ASTN2: variants seen among roughly 807,000 people sequenced by gnomAD.
ASTN2 encodes astrotactin-2.
ASTN2 carries 54 observed loss-of-function variants against 139.8 expected under a neutral mutation model. The ratio of observed to expected loss-of-function variants is 0.39; its 90% CI spans 0.31 to 0.48. The LOEUF is 0.48. ASTN2 is among the 20% of genes least tolerant of loss of function. ASTN2 has a pLI of 0.95. For synonymous variants in ASTN2, 756 were observed against 719.5 expected (o/e 1.05, Z -0.81); for missense variants, 1,565 against 1,725.1 (o/e 0.91, Z 1.64).
chr9:116,549,990 C>A (rs1333130526), intron 19 of ASTN2, among the ~76,000 whole-genome samples: 1 of 152,318 alleles, frequency 6.6e-6, no homozygotes. Context: ...ATGGAACCCA[C>A]AGGCATCTTT....
intron 1 of ASTN2, among the ~76,000 whole-genome samples, chr9:117,372,298 G>T (rs1197098982): frequency 1.3e-5 from 2 of 152,086 alleles, no homozygotes; most frequent in African/African-American, 4.8e-5. Flanking sequence ...CCCCCAGAGG[G>T]TGAAGAAGGA....
intron 19 of ASTN2, chr9:116,612,945 G>GA (rs1297939481): frequency 6.7e-6 from 1 of 149,084 alleles, no homozygotes; most frequent in African/African-American, 2.5e-5. Flanking sequence ...CTGGTTTTTT[G>GA]AAAAAATCAA....
intron 4 of ASTN2, among the ~76,000 whole-genome samples, chr9:117,128,756 A>C (rs374058242): frequency 3.2e-4 from 49 of 152,372 alleles, no homozygotes; most frequent in South Asian, 1.7e-3. Context: ...AATTTACAAA[A>C]GAAAGAGGTT....
At chr9:117,230,937 C>T (rs1474813273) in intron 2 of ASTN2, among the ~76,000 whole-genome samples, 1 of 152,150 alleles carries the variant, frequency 6.6e-6, no homozygotes, top group Non-Finnish European at 1.5e-5. Flanking sequence ...TTGACCCTCC[C>T]AGATAGAGTT....
chr9:117,130,966 T>A (rs1829813940), intron 4 of ASTN2, among the ~76,000 whole-genome samples: 1 of 152,240 alleles, frequency 6.6e-6, no homozygotes, highest in Non-Finnish European at 1.5e-5. Context: ...TCACTATGTT[T>A]AATCATGTAT....
At chr9:117,151,526 AAC>A (rs1830326492) in intron 3 of ASTN2, among the ~76,000 whole-genome samples, 1 of 152,144 alleles carries the variant, frequency 6.6e-6, no homozygotes, top group South Asian at 2.1e-4. Context: ...AGATAATGAA[AAC>A]AGAGTGTGCT....
chr9:116,579,065 T>C (rs1207060669), intron 19 of ASTN2: 1 of 151,276 alleles, frequency 6.6e-6, no homozygotes, highest in East Asian at 1.9e-4. Context: ...AAAAAAAAGG[T>C]AAGGCACCTG....
chr9:116,757,220 T>C (rs1338894943), intron 13 of ASTN2, among the ~76,000 whole-genome samples: 1 of 152,208 alleles, frequency 6.6e-6, no homozygotes, highest in Non-Finnish European at 1.5e-5. Context: ...CCTCCCTCCC[T>C]GCAGGAAACC....
chr9:117,340,521 G>T (rs1469146381), intron 1 of ASTN2, among the ~76,000 whole-genome samples: 1 of 151,824 alleles, frequency 6.6e-6, no homozygotes, highest in African/African-American at 2.4e-5. Context: ...TCTCTACCAC[G>T]CTAAGACCTG....
chr9:117,098,103 GTC>G (rs1828882578), intron 4 of ASTN2, among the ~76,000 whole-genome samples: 2 of 152,254 alleles, frequency 1.3e-5, no homozygotes, highest in Middle Eastern at 3.4e-3. Context: ...TCCAAATTTG[GTC>G]TCTCTGTAAT....
chr9:117,170,428 C>T (rs1298104185), intron 3 of ASTN2, among the ~76,000 whole-genome samples: 1 of 152,060 alleles, frequency 6.6e-6, no homozygotes, highest in Non-Finnish European at 1.5e-5. Context: ...GATGAAGGCA[C>T]TAGGGATTCA....
rs555384135 is a variant in ASTN2 at position 116,606,842 on chromosome 9, A to G, written c.3355+11482T>C. 1.8e-4 allele frequency among the ~76,000 whole-genome samples: 27 copies of G among 152,240 alleles called. No individual in the cohort carries two copies. The South Asian group carries it at 4.6e-3, about 26-fold the overall frequency. On this transcript the variant is annotated intron_variant, in intron 19 of 22. Transcript: ENST00000313400. ...AGAAAAGGAAACTGAACCCTAGAAA[A>G]GATGTTGACTACCCCTAGATCTCTC...
chr9:116,706,854 T>C (rs1828000708), intron 16 of ASTN2, among the ~76,000 whole-genome samples: 1 of 150,438 alleles, frequency 6.6e-6, no homozygotes, highest in South Asian at 2.1e-4. Context: ...CTTACCAAGC[T>C]TCTGTTATAG....
chr9:116,776,334 C>T (rs573595892), intron 13 of ASTN2, among the ~76,000 whole-genome samples: 1 of 152,292 alleles, frequency 6.6e-6, no homozygotes, highest in Non-Finnish European at 1.5e-5. Context: ...GAGTATAAAG[C>T]ATTTGTCTTA....
intron 19 of ASTN2, among the ~76,000 whole-genome samples, chr9:116,580,857 G>A (rs1853918810): frequency 6.6e-6 from 1 of 152,124 alleles, no homozygotes; most frequent in Non-Finnish European, 1.5e-5. Context: ...TGGAAAAAGA[G>A]AGAAATAATA....
chr9:117,120,572 G>GT (rs958292587), intron 4 of ASTN2, among the ~76,000 whole-genome samples: 4 of 152,140 alleles, frequency 2.6e-5, no homozygotes, highest in African/African-American at 9.7e-5. Context: ...GGGGTTCCAG[G>GT]TAACAGAATG....
At chr9:117,016,739 T>TTATGTATATATGTTACA (rs1837718223) in intron 6 of ASTN2, among the ~76,000 whole-genome samples, 1 of 137,346 alleles carries the variant, frequency 7.3e-6, no homozygotes, top group African/African-American at 2.6e-5. Context: ...TATATATAGG[T>TTATGTATATATGTTACA]TATATATAGG....
intron 22 of ASTN2, among the ~76,000 whole-genome samples, chr9:116,435,554 C>T (rs1315566558): frequency 6.6e-6 from 1 of 152,186 alleles, no homozygotes; most frequent in African/African-American, 2.4e-5. Flanking sequence ...ACTCTCTTCT[C>T]CAATAAGATT....
intron 1 of ASTN2, among the ~76,000 whole-genome samples, chr9:117,312,430 T>C (rs1219518618): frequency 6.6e-6 from 1 of 152,180 alleles, no homozygotes; most frequent in Non-Finnish European, 1.5e-5. Flanking sequence ...TAGTCTCAAC[T>C]GGCTAGAGTG....
Sources: gnomAD v4.1 joint callset for allele counts (sites outside exome capture counted in the v4.1 genomes callset) on GRCh38, gnomAD v4.1.1 for gene constraint, MANE v1.5 for transcripts, NCBI Gene and HGNC (gene_info 2026-07-23, HGNC 2026-07-21) for gene names.